Variants in PRPF19 observed in about 807,000 individuals in gnomAD.
The protein encoded by PRPF19 is pre-mRNA-processing factor 19.
A neutral mutation model predicts 64.2 loss-of-function variants in PRPF19; 2 were observed. The observed-to-expected ratio is 0.03, with a 90% CI of 0.01 to 0.10. The LOEUF (loss-of-function observed/expected upper bound fraction) is 0.10. Ranked by LOEUF, PRPF19 falls within the 10% of genes least tolerant of loss-of-function variation. The pLI, the probability that PRPF19 is intolerant of heterozygous loss-of-function variation, is 1.00. For missense variants in PRPF19, 314 were observed against 650.0 expected, an observed-to-expected ratio of 0.48 and a Z score of 5.62; for synonymous variants, 226 against 251.6, an observed-to-expected ratio of 0.90 and a Z score of 0.96.
In PRPF19 at chr11:60,891,275, GA is replaced by G. The variant is rs768462314; in HGVS notation, c.1418-13del. 4 of 1,604,328 alleles carry G rather than the reference GA, an allele frequency of 2.5e-6. No individual in the cohort carries two copies. The highest frequency in any genetic ancestry group is 3.4e-6 in the Non-Finnish European group (4 of 1,171,972). ...CAGGCCGCTATGCTCTGAGGAGAAAGATAAGAGGCAACTGTGAGAAGGCTTT... is the reference window on the plus strand; with the variant it reads ...CAGGCCGCTATGCTCTGAGGAGAAAGTAAGAGGCAACTGTGAGAAGGCTTT... On this transcript the variant is annotated splice_polypyrimidine_tract_variant and intron_variant, in intron 15 of 15. Coordinates refer to ENST00000227524, the MANE Select transcript of PRPF19 (RefSeq NM_014502.5).
Position 60,890,991 on chromosome 11 carries a change from G to C in PRPF19, c.*175C>G. The C allele has an allele frequency of 1.6e-6, 1 of 625,832 alleles. No homozygotes were observed. Among genetic ancestry groups the C allele is most frequent in the South Asian group, 1.8e-5 (1 of 55,878 alleles). 38.8% of individuals were successfully genotyped at this position (625,832 alleles called of 1,614,324 possible). ...ATGGGGCCTGGAGTTGCATGGATGAGGGTGGTCCATGCCACCATGGTTCTC... is the reference window on the plus strand; with the variant it reads ...ATGGGGCCTGGAGTTGCATGGATGACGGTGGTCCATGCCACCATGGTTCTC... On this transcript the variant is annotated 3_prime_UTR_variant, in exon 16 of 16. Coordinates refer to ENST00000227524, the MANE Select transcript of PRPF19 (RefSeq NM_014502.5).
rs1301823174 is a variant in PRPF19, at chr11:60,890,966, A to G, written c.*200T>C. On this transcript the variant is annotated 3_prime_UTR_variant, in exon 16 of 16. Coordinates refer to ENST00000227524, the MANE Select transcript of PRPF19 (RefSeq NM_014502.5). The stretch of plus-strand genomic sequence containing the variant: ...AGTTCTTCCTTCCACATCCGTTCCC[A>G]TGGGGCCTGGAGTTGCATGGATGAG... 2 of 617,866 alleles carry G rather than the reference A, an allele frequency of 3.2e-6. No individual in the cohort carries two copies. The highest frequency in any genetic ancestry group is 2.9e-6 in the Non-Finnish European group (1 of 341,832). The allele number at this position is 617,866 out of a possible 1,614,324, so 38.3% of individuals were successfully genotyped here.
chr11:60,898,288 T>C lies in PRPF19; in HGVS notation c.1141-17A>G, dbSNP rs772760955. 3 of 1,610,394 alleles carry C rather than the reference T, an allele frequency of 1.9e-6. No homozygotes were observed. Among genetic ancestry groups the C allele is most frequent in the African/African-American group, 2.7e-5 (2 of 74,616 alleles). Reference sequence around the variant, plus strand: ...AGTACGTTCCTACAGTGGCGGTGGGTAGTAAAATACGTCACCCACAGATCA... The same window carrying C: ...AGTACGTTCCTACAGTGGCGGTGGGCAGTAAAATACGTCACCCACAGATCA... On this transcript the variant is annotated splice_polypyrimidine_tract_variant and intron_variant, in intron 13 of 15. Coordinates refer to ENST00000227524, the MANE Select transcript of PRPF19 (RefSeq NM_014502.5). This position sits in a 1 kb window ranked among gnomAD's most constrained non-coding sequence, Gnocchi z 4.6.
intron 10 of PRPF19, 90 bp downstream of exon 10, chr11:60,900,492 C>T: frequency 9.1e-7 from 1 of 1,101,540 alleles, no homozygotes; most frequent in African/African-American, 1.6e-5. Context: ...GAGCTCTTTC[C>T]CAGCCCCACT....
chr11:60,896,336 A>G (rs1217738805), intron 15 of PRPF19, among the ~76,000 whole-genome samples: 2 of 152,210 alleles, frequency 1.3e-5, no homozygotes, highest in Admixed American at 6.5e-5. Context: ...GTGCCCCCGA[A>G]GACCTTCCGG....
At chr11:60,905,148 G>A (rs1023536754) in intron 1 of PRPF19, among the ~76,000 whole-genome samples, 6 of 152,264 alleles carry the variant, frequency 3.9e-5, no homozygotes, top group Admixed American at 3.3e-4. Context: ...ACAACAACCC[G>A]CAATAGAGGT....
rs780628930 is a variant in PRPF19, at chr11:60,903,791, G to A, written c.90C>T (p.Ile30=). 28 of 1,605,942 alleles carry A rather than the reference G, an allele frequency of 1.7e-5. No individual in the cohort carries two copies. Among genetic ancestry groups the A allele is most frequent in the Non-Finnish European group, 2.4e-5 (28 of 1,178,234 alleles). The stretch of plus-strand genomic sequence containing the variant: ...TACCATTCTCCGCAATGTACTTCTC[G>A]ATGAGCCGCCGCTCATAAACATGAT... ...VSNHVYERRL[I]EKYIAENGTD... The change falls in exon 2 of 16, where the codon ATC becomes ATT. Residue 30 remains isoleucine, a synonymous_variant. Transcript: ENST00000227524.
At chr11:60,895,501 C>A (rs1467299098) in intron 15 of PRPF19, among the ~76,000 whole-genome samples, 3 of 152,148 alleles carry the variant, frequency 2.0e-5, no homozygotes, top group African/African-American at 7.2e-5. Context: ...GTTTGATATT[C>A]TATCCAGACC....
At chr11:60,893,561 C>A (rs923638762) in intron 15 of PRPF19, among the ~76,000 whole-genome samples, 2 of 151,342 alleles carry the variant, frequency 1.3e-5, no homozygotes, top group African/African-American at 4.9e-5. Flanking sequence ...TATGTACAGA[C>A]ATATCTCAGG....
chr11:60,902,343 A>T lies in PRPF19; in HGVS notation c.525+60T>A. The T allele has an allele frequency of 6.5e-7, 1 of 1,548,888 alleles. No homozygotes were observed. The highest frequency in any genetic ancestry group is 8.9e-7 in the Non-Finnish European group (1 of 1,123,084). On this transcript the variant is annotated intron_variant, in intron 6 of 15. Coordinates refer to ENST00000227524, the MANE Select transcript of PRPF19 (RefSeq NM_014502.5). This position sits in a 1 kb window ranked among gnomAD's most constrained non-coding sequence, Gnocchi z 5.0. ...AGTGATTTTAGTCACGATGGACTCC[A>T]GACAGATGGTGAAAAGTAAGGGCCC...
Position 60,898,964 on chromosome 11 carries a change from G to A in PRPF19, c.985-33C>T, listed in dbSNP as rs1375362260. ...AAAAAAAAGAGACAATGGAGTCAGT[G>A]AGAAAGTGGGTCCCAGGTTCTGGTG... On this transcript the variant is annotated intron_variant, in intron 11 of 15. Coordinates refer to ENST00000227524, the MANE Select transcript of PRPF19 (RefSeq NM_014502.5). The surrounding 1 kb of genome is among the most constrained non-coding windows in gnomAD (Gnocchi z 4.6). The A allele has an allele frequency of 2.6e-6, 4 of 1,555,372 alleles. No homozygotes were observed. In the South Asian group the frequency reaches 3.5e-5, roughly 14 times the overall value.
chr11:60,902,555 C>T lies in PRPF19; in HGVS notation c.462+28G>A. On this transcript the variant is annotated intron_variant, in intron 5 of 15. Transcript: ENST00000227524. This position sits in a 1 kb window ranked among gnomAD's most constrained non-coding sequence, Gnocchi z 5.0. ...CTGTGGGCCACTGTACACAAATGGG[C>T]TGCTGGTAAGGGAAGGGGGACACTT... 6.2e-7 allele frequency: 1 copy of T among 1,609,796 alleles called. No homozygotes were observed. Among genetic ancestry groups the T allele is most frequent in the Non-Finnish European group, 8.5e-7 (1 of 1,176,068 alleles).
intron 15 of PRPF19, among the ~76,000 whole-genome samples, chr11:60,892,936 C>T (rs1015324385): frequency 2.6e-5 from 4 of 151,972 alleles, no homozygotes; most frequent in African/African-American, 9.7e-5. Context: ...CCCATCCCCC[C>T]ACATAACTTG....
At chr11:60,906,247 C>A in intron 1 of PRPF19, 117 bp downstream of exon 1, 2 of 1,416,328 alleles carry the variant, frequency 1.4e-6, no homozygotes, top group South Asian at 3.0e-5. Flanking sequence ...GCCGCTCGGC[C>A]TCCGGAGCGC....
In PRPF19 at chr11:60,898,887, C is replaced by T. The variant is rs2134861360; in HGVS notation, c.1029G>A (p.Lys343=). The T allele has an allele frequency of 2.5e-6, 4 of 1,606,022 alleles. No individual in the cohort carries two copies. In the East Asian group the frequency reaches 6.7e-5, roughly 27 times the overall value. The change falls in exon 12 of 16, where the codon AAG becomes AAA. Residue 343 remains lysine (K), a synonymous_variant. Transcript: ENST00000227524. The surrounding 1 kb of genome is among the most constrained non-coding windows in gnomAD (Gnocchi z 4.6). The part of the protein sequence containing the change: ...SDIQTGRVLT[K]VTDETSGCSL... Reference sequence around the variant, plus strand: ...AGCAGCCGGAGGTCTCATCTGTCACCTTGGTGAGCACACGCCCTGTCTGGA... The same window carrying T: ...AGCAGCCGGAGGTCTCATCTGTCACTTTGGTGAGCACACGCCCTGTCTGGA...
chr11:60,893,720 C>T (rs1277358773), intron 15 of PRPF19, among the ~76,000 whole-genome samples: 1 of 151,986 alleles, frequency 6.6e-6, no homozygotes, highest in Non-Finnish European at 1.5e-5. Context: ...TTTGGGAGGC[C>T]GAGGCAGGTG....
Position 60,898,700 on chromosome 11 carries a change from C to T in PRPF19, c.1055-74G>A. 1 of 1,605,762 alleles carries T rather than the reference C, an allele frequency of 6.2e-7. No individual in the cohort carries two copies. The highest frequency in any genetic ancestry group is 1.1e-5 in the South Asian group (1 of 90,136). ...AGACTAAGAGCAGCAAAGGTAGGTT[C>T]CTTGTTCTTCACATTCCTCAGTGAA... is the stretch of plus-strand genomic sequence containing the variant. On this transcript the variant is annotated intron_variant, in intron 12 of 15. Coordinates refer to ENST00000227524, the MANE Select transcript of PRPF19 (RefSeq NM_014502.5). The surrounding 1 kb of genome is among the most constrained non-coding windows in gnomAD (Gnocchi z 4.6).
Position 60,898,095 on chromosome 11 carries a change from G to C in PRPF19, c.1311+6C>G. ...TGGAAAGCTGGGCGGAGGGGGAAGG[G>C]CACACCTCAAAGTTGTTATCCAGCT... On this transcript the variant is annotated splice_donor_region_variant and intron_variant, in intron 14 of 15. Coordinates refer to ENST00000227524, the MANE Select transcript of PRPF19 (RefSeq NM_014502.5). This position sits in a 1 kb window ranked among gnomAD's most constrained non-coding sequence, Gnocchi z 4.6. 6.2e-7 allele frequency: 1 copy of C among 1,613,060 alleles called. No individual in the cohort carries two copies. The highest frequency in any genetic ancestry group is 1.1e-5 in the South Asian group (1 of 90,990).
Position 60,902,681 on chromosome 11 carries a change from A to G in PRPF19, c.389-25T>C. The stretch of plus-strand genomic sequence containing the variant: ...GCTGAGAGAAAAGACGATGTTAGAA[A>G]TGGGATATTACAATGCAGAACCAGC... On this transcript the variant is annotated intron_variant, in intron 4 of 15. Coordinates refer to ENST00000227524, the MANE Select transcript of PRPF19 (RefSeq NM_014502.5). The surrounding 1 kb of genome is among the most constrained non-coding windows in gnomAD (Gnocchi z 5.0). 3 of 1,614,162 alleles carry G rather than the reference A, an allele frequency of 1.9e-6. No individual in the cohort carries two copies. Among genetic ancestry groups the G allele is most frequent in the Non-Finnish European group, 2.5e-6 (3 of 1,180,010 alleles).
Sources: allele counts gnomAD v4.1 joint callset (sites outside exome capture counted in the v4.1 genomes callset), GRCh38; gene constraint gnomAD v4.1.1; non-coding constraint Gnocchi (gnomAD v3.1); transcripts MANE v1.5; gene names NCBI Gene and HGNC (gene_info 2026-07-23, HGNC 2026-07-21).